Variants in DHRSX observed in about 807,000 individuals in gnomAD.
The protein encoded by DHRSX is polyprenol dehydrogenase.
In DHRSX, 31 loss-of-function variants were observed where a neutral mutation model predicts 34.0. That is an observed-to-expected ratio of 0.91 (90% CI 0.69 to 1.23). DHRSX has a LOEUF of 1.23. Ranked by LOEUF, DHRSX falls within the 50% of genes most tolerant of loss-of-function variation. The pLI, the probability that DHRSX is intolerant of heterozygous loss-of-function variation, is 0.00. For synonymous variants in DHRSX, 201 were observed against 183.8 expected, an observed-to-expected ratio of 1.09 and a Z score of -0.76; for missense variants, 414 against 428.1, an observed-to-expected ratio of 0.97 and a Z score of 0.29.
intron 3 of DHRSX, among the ~76,000 whole-genome samples, chrX:2,303,785 A>ACGGATGGG (rs2042046267): frequency 1.8e-5 from 1 of 54,958 alleles, no homozygotes; most frequent in Non-Finnish European, 3.4e-5. Flanking sequence ...GGATGGATGG[A>ACGGATGGG]TGGATGGGTG....
At chrX:2,224,833 CAT>C (rs1160685645) in intron 6 of DHRSX, among the ~76,000 whole-genome samples, 11 of 149,344 alleles carry the variant, frequency 7.4e-5, no homozygotes, top group South Asian at 4.2e-4. Context: ...CACATGCTCA[CAT>C]ATACTCATTC....
At chrX:2,422,142 G>A (rs2043788148) in intron 2 of DHRSX, among the ~76,000 whole-genome samples, 1 of 152,194 alleles carries the variant, frequency 6.6e-6, no homozygotes, top group African/African-American at 2.4e-5. Context: ...ACAAATTCAT[G>A]TTGAAATCTC....
intron 1 of DHRSX, among the ~76,000 whole-genome samples, chrX:2,460,865 G>A (rs769170188): frequency 6.6e-6 from 1 of 152,086 alleles, no homozygotes; most frequent in South Asian, 2.1e-4. Flanking sequence ...TTACAAGCAT[G>A]AGCCACCACA....
At chrX:2,419,339 G>A (rs1317040140) in intron 2 of DHRSX, among the ~76,000 whole-genome samples, 2 of 152,102 alleles carry the variant, frequency 1.3e-5, no homozygotes, top group Admixed American at 1.3e-4. Context: ...TGACCCCCTG[G>A]TCTTGGGACT....
chrX:2,300,521 G>A (rs2041997449), intron 3 of DHRSX, among the ~76,000 whole-genome samples: 1 of 152,076 alleles, frequency 6.6e-6, no homozygotes, highest in Non-Finnish European at 1.5e-5. Context: ...CCTTAATCGG[G>A]GTGGGCACCA....
At chrX:2,468,424 A>G (rs1443158673) in intron 1 of DHRSX, among the ~76,000 whole-genome samples, 2 of 149,588 alleles carry the variant, frequency 1.3e-5, no homozygotes, top group Non-Finnish European at 3.0e-5. Flanking sequence ...AACGGATACC[A>G]CATAAGAGTC....
Position 2,296,986 on chromosome X carries a change from G to GGACCCAGGCAGATA in DHRSX, c.287-5397_287-5384dup, listed in dbSNP as rs1556456057. The stretch of plus-strand genomic sequence containing the variant: ...GATAGACCCCAGGCAGACAGGAATA[G>GGACCCAGGCAGATA]GACCCAGGCAGATAGGAATAGGACC... On this transcript the variant is annotated intron_variant, in intron 3 of 6. Coordinates refer to ENST00000334651, the MANE Select transcript of DHRSX (RefSeq NM_145177.3). Among the ~76,000 whole-genome samples, 57 of 113,774 alleles carry GGACCCAGGCAGATA rather than the reference G, an allele frequency of 5.0e-4. 6 individuals carry two copies. Among genetic ancestry groups the GGACCCAGGCAGATA allele is most frequent in the African/African-American group, 3.4e-3 (39 of 11,564 alleles). The allele number at this position is 113,774 out of a possible 152,430, so 74.6% of individuals were successfully genotyped here.
intron 3 of DHRSX, among the ~76,000 whole-genome samples, chrX:2,371,638 C>A (rs1236994544): frequency 6.6e-6 from 1 of 151,084 alleles, no homozygotes; most frequent in Admixed American, 6.6e-5. Flanking sequence ...CCTCCCGTTA[C>A]CATAGTCCAC....
intron 3 of DHRSX, among the ~76,000 whole-genome samples, chrX:2,316,120 CA>C (rs2042238960): frequency 6.6e-6 from 1 of 152,094 alleles, no homozygotes; most frequent in South Asian, 2.1e-4. Context: ...CCTTGGCCTC[CA>C]AAAGTGCTGG....
chrX:2,243,242 G>T lies in DHRSX; in HGVS notation c.597-12C>A. On this transcript the variant is annotated splice_polypyrimidine_tract_variant and intron_variant, in intron 5 of 6. Coordinates refer to ENST00000334651, the MANE Select transcript of DHRSX (RefSeq NM_145177.3). ...GTGAGTAGCAGGCACTGTGGGGCAA[G>T]CAGGAGAAGGTGTAAGAGGCTGACG... 1 of 1,611,778 alleles carries T rather than the reference G, an allele frequency of 6.2e-7. No homozygotes were observed. Among genetic ancestry groups the T allele is most frequent in the Non-Finnish European group, 8.5e-7 (1 of 1,178,962 alleles).
chrX:2,266,517 T>G (rs1269381269), intron 5 of DHRSX, among the ~76,000 whole-genome samples: 1 of 145,912 alleles, frequency 6.9e-6, no homozygotes, highest in Non-Finnish European at 1.5e-5. Flanking sequence ...AGAGCACCAG[T>G]GCTCGGCAGA....
intron 1 of DHRSX, among the ~76,000 whole-genome samples, chrX:2,495,752 G>A (rs2045267992): frequency 6.6e-6 from 1 of 151,976 alleles, no homozygotes; most frequent in Non-Finnish European, 1.5e-5. Context: ...TTCAAGACTG[G>A]TGCAGCATCC....
chrX:2,364,949 CATCT>C (rs1285446643), intron 3 of DHRSX, among the ~76,000 whole-genome samples: 2 of 152,116 alleles, frequency 1.3e-5, no homozygotes, highest in Admixed American at 6.6e-5. Context: ...ATGTATCCAT[CATCT>C]ATCTATATCA....
chrX:2,313,656 G>C (rs34751302), intron 3 of DHRSX, among the ~76,000 whole-genome samples: 26,961 of 151,986 alleles, frequency 0.18, 2,662 homozygotes, highest in Middle Eastern at 0.24. Flanking sequence ...CATGAGCCAC[G>C]ACGCCCAGCC....
chrX:2,291,896 A>ATTTTTTTTT (rs928376249), intron 3 of DHRSX, among the ~76,000 whole-genome samples: 14 of 96,092 alleles, frequency 1.5e-4, no homozygotes, highest in African/African-American at 3.5e-4. Context: ...GTATTTTTGT[A>ATTTTTTTTT]TTTTTTTTTT....
At chrX:2,372,965 T>C (rs1163688692) in intron 3 of DHRSX, among the ~76,000 whole-genome samples, 1 of 152,152 alleles carries the variant, frequency 6.6e-6, no homozygotes, top group African/African-American at 2.4e-5. Flanking sequence ...TGCATCTGTA[T>C]TAGTTCATTC....
At chrX:2,389,013 T>C (rs2043304279) in intron 3 of DHRSX, among the ~76,000 whole-genome samples, 1 of 152,208 alleles carries the variant, frequency 6.6e-6, no homozygotes, top group Non-Finnish European at 1.5e-5. Flanking sequence ...ACATGTAGCC[T>C]CTACAGCTGT....
chrX:2,498,165 CAT>C (rs1402194393), intron 1 of DHRSX, among the ~76,000 whole-genome samples: 1 of 152,158 alleles, frequency 6.6e-6, no homozygotes, highest in Non-Finnish European at 1.5e-5. Flanking sequence ...TAAGTCAACT[CAT>C]GTGGAAGGTG....
chrX:2,298,985 C>CA (rs1162323678), intron 3 of DHRSX, among the ~76,000 whole-genome samples: 3,283 of 88,232 alleles, frequency 0.037, 184 homozygotes, highest in African/African-American at 0.07. Context: ...AACTCTGTCT[C>CA]AAAAAAAAAA....
Sources: allele counts gnomAD v4.1 joint callset (sites outside exome capture counted in the v4.1 genomes callset), GRCh38; gene constraint gnomAD v4.1.1; transcripts MANE v1.5; gene names NCBI Gene and HGNC (gene_info 2026-07-23, HGNC 2026-07-21).